MICAL3: variants seen among roughly 807,000 people sequenced by gnomAD.
The protein encoded by MICAL3 is microtubule associated monooxygenase, calponin and LIM domain containing 3, also known as [F-actin]-monooxygenase MICAL3.
A neutral mutation model predicts 207.4 loss-of-function variants in MICAL3; 62 were observed. The observed-to-expected ratio is 0.30, with a 90% CI of 0.24 to 0.37. The LOEUF is 0.37. Ranked by LOEUF, MICAL3 falls within the 10% of genes least tolerant of loss-of-function variation. The probability of loss-of-function intolerance (pLI) is 1.00; values close to 1 mark genes in which losing one functional copy is unlikely to be tolerated. For synonymous variants in MICAL3, 1,077 were observed against 1,069.3 expected (o/e 1.01, Z -0.14); for missense variants, 2,368 against 2,635.6 (o/e 0.90, Z 2.22).
intron 16 of MICAL3, chr22:17,875,570 T>C (rs1355042278): frequency 2.0e-6 from 3 of 1,498,636 alleles, no homozygotes; most frequent in African/African-American, 1.4e-5. Flanking sequence ...AAATACAAGA[T>C]GGAGAAAAAC....
intron 31 of MICAL3, 34 bp downstream of exon 31, chr22:17,790,964 A>G: frequency 6.2e-7 from 1 of 1,612,300 alleles, no homozygotes; most frequent in South Asian, 1.1e-5. Flanking sequence ...GGTGGCACCC[A>G]CCCTGGCCTC....
At chr22:17,831,187 C>T (rs1427694813) in intron 21 of MICAL3, among the ~76,000 whole-genome samples, 1 of 152,208 alleles carries the variant, frequency 6.6e-6, no homozygotes, top group African/African-American at 2.4e-5. Context: ...CTTCACCACC[C>T]CCCAGACTTC....
chr22:17,855,226 G>A (rs993749545), intron 19 of MICAL3, among the ~76,000 whole-genome samples: 8 of 152,340 alleles, frequency 5.3e-5, no homozygotes, highest in African/African-American at 1.9e-4. Context: ...GCCCAAGCCT[G>A]AGTAGATCAG....
At chr22:17,896,129 A>G in intron 9 of MICAL3, 117 bp downstream of exon 9, 2 of 594,124 alleles carry the variant, frequency 3.4e-6, no homozygotes, top group South Asian at 5.0e-5. Flanking sequence ...ACATGAAAAC[A>G]TCTTTAATTA....
At chr22:17,861,913 TTGGGTG>T (rs1341222972) in intron 19 of MICAL3, 25 of 985,272 alleles carry the variant, frequency 2.5e-5, no homozygotes, top group Non-Finnish European at 3.0e-5. Flanking sequence ...CAGGTTGTAA[TTGGGTG>T]TGGGTGTGTT....
chr22:17,828,330 C>A, intron 21 of MICAL3, among the ~76,000 whole-genome samples: 1 of 152,240 alleles, frequency 6.6e-6, no homozygotes, highest in East Asian at 1.9e-4. Context: ...CGCCAGCCGG[C>A]CAGCTCACAC....
At chr22:17,939,558 G>A (rs866112954) in intron 1 of MICAL3, among the ~76,000 whole-genome samples, 2 of 152,326 alleles carry the variant, frequency 1.3e-5, no homozygotes, top group Middle Eastern at 3.4e-3. Flanking sequence ...ATTCTGGATA[G>A]TGAATTTGGC....
intron 22 of MICAL3, chr22:17,826,391 C>T: frequency 1.1e-6 from 1 of 913,240 alleles, no homozygotes; most frequent in Admixed American, 6.2e-5. Flanking sequence ...TGTTAAGGTA[C>T]CAGCAGAGCC....
At chr22:17,987,035 C>T (rs986810476) in intron 1 of MICAL3, among the ~76,000 whole-genome samples, 3 of 151,482 alleles carry the variant, frequency 2.0e-5, no homozygotes, top group Admixed American at 6.6e-5. Flanking sequence ...ACTAGGAGTT[C>T]GAGGCCAGCC....
intron 17 of MICAL3, among the ~76,000 whole-genome samples, chr22:17,870,220 G>C (rs9618150): frequency 1.3e-5 from 2 of 151,970 alleles, no homozygotes; most frequent in African/African-American, 4.8e-5. Flanking sequence ...ACTGCCACCC[G>C]ATCTCCCACC....
chr22:17,929,603 T>C (rs1933139593), intron 1 of MICAL3, among the ~76,000 whole-genome samples: 1 of 139,784 alleles, frequency 7.2e-6, no homozygotes. Flanking sequence ...GGTCTTGCTC[T>C]GTTGCCCAGG....
rs902505734 is a variant in MICAL3 at position 17,865,808 on chromosome 22, C to T, written c.2517+116G>A. The stretch of plus-strand genomic sequence containing the variant: ...CTGCCACTGCATTTCGGGCCCTCCC[C>T]GTTCCCAGGAGAGGCAAGGACGCAG... On this transcript the variant is annotated intron_variant, in intron 18 of 31. Transcript: ENST00000441493. 3.8e-5 allele frequency: 31 copies of T among 805,352 alleles called. No individual in the cohort carries two copies. In the East Asian group the frequency reaches 5.1e-4, roughly 13 times the overall value. The allele number at this position is 805,352 out of a possible 1,614,324, so 49.9% of individuals were successfully genotyped here.
At chr22:17,995,859 C>A (rs1183744385) in intron 1 of MICAL3, among the ~76,000 whole-genome samples, 1 of 151,774 alleles carries the variant, frequency 6.6e-6, no homozygotes, top group Non-Finnish European at 1.5e-5. Flanking sequence ...TTGAACTCAC[C>A]AATGAGAAAA....
At chr22:17,927,241 T>C (rs1373623559) in intron 1 of MICAL3, among the ~76,000 whole-genome samples, 1 of 152,230 alleles carries the variant, frequency 6.6e-6, no homozygotes, top group South Asian at 2.1e-4. Flanking sequence ...TTCATCCACA[T>C]TGTAACATAT....
intron 29 of MICAL3, among the ~76,000 whole-genome samples, chr22:17,801,922 C>A (rs1041128767): frequency 1.8e-4 from 27 of 151,862 alleles, no homozygotes; most frequent in African/African-American, 5.6e-4. Context: ...ACAACAACAA[C>A]AACAAAAAAC....
chr22:17,998,296 C>T (rs1693481908), intron 1 of MICAL3, among the ~76,000 whole-genome samples: 1 of 81,556 alleles, frequency 1.2e-5, no homozygotes, highest in African/African-American at 6.2e-5. Context: ...GAGCAAGAGA[C>T]TCCGTCTCAA....
chr22:17,901,463 G>A (rs1931313712), intron 5 of MICAL3, among the ~76,000 whole-genome samples: 1 of 152,090 alleles, frequency 6.6e-6, no homozygotes, highest in Non-Finnish European at 1.5e-5. Flanking sequence ...GAGCCAAGGA[G>A]TTTGAGACCA....
intron 16 of MICAL3, among the ~76,000 whole-genome samples, chr22:17,878,752 C>T (rs867507476): frequency 1.8e-4 from 28 of 152,120 alleles, no homozygotes; most frequent in African/African-American, 5.1e-4. Context: ...TCACATTGTA[C>T]GATGGCCAGC....
At chr22:17,806,405 T>TC (rs953869683) in intron 29 of MICAL3, among the ~76,000 whole-genome samples, 1 of 151,000 alleles carries the variant, frequency 6.6e-6, no homozygotes, top group Non-Finnish European at 1.5e-5. Context: ...GACTTGCTTG[T>TC]CATGAGGAAT....
Sources: allele counts gnomAD v4.1 joint callset (sites outside exome capture counted in the v4.1 genomes callset), GRCh38; gene constraint gnomAD v4.1.1; transcripts MANE v1.5; gene names NCBI Gene and HGNC (gene_info 2026-07-23, HGNC 2026-07-21).